Variants in YAP1 observed in about 807,000 individuals in gnomAD.
The protein encoded by YAP1 is Yes1 associated transcriptional regulator.
A neutral mutation model predicts 56.9 loss-of-function variants in YAP1; 5 were observed. The observed-to-expected ratio is 0.09, with a 90% CI of 0.05 to 0.18. YAP1 has a LOEUF of 0.18. Ranked by LOEUF, YAP1 falls within the 10% of genes least tolerant of loss-of-function variation. The pLI is 1.00. For missense variants in YAP1, 539 were observed against 651.8 expected, an observed-to-expected ratio of 0.83 and a Z score of 1.88; for synonymous variants, 265 against 248.1, an observed-to-expected ratio of 1.07 and a Z score of -0.64.
At chr11:102,201,000 C>T (rs1043148301) in intron 4 of YAP1, among the ~76,000 whole-genome samples, 20 of 152,162 alleles carry the variant, frequency 1.3e-4, no homozygotes, top group African/African-American at 3.9e-4. Flanking sequence ...TGGGGTGGGG[C>T]GGTGGTGTAA....
chr11:102,223,823 G>A (rs185581636), intron 7 of YAP1, 71 bp downstream of exon 7: 61 of 1,579,262 alleles, frequency 3.9e-5, no homozygotes, highest in Middle Eastern at 1.7e-4. Context: ...CTTAGTGCTT[G>A]TAATAGGCTA....
At chr11:102,180,457 T>G (rs1248478076) in intron 3 of YAP1, among the ~76,000 whole-genome samples, 1 of 148,924 alleles carries the variant, frequency 6.7e-6, no homozygotes, top group Non-Finnish European at 1.5e-5. Flanking sequence ...CCGAGGCAGG[T>G]GGATCACAAG....
chr11:102,215,744 G>A (rs1949628133), intron 6 of YAP1, among the ~76,000 whole-genome samples: 1 of 152,178 alleles, frequency 6.6e-6, no homozygotes, highest in African/African-American at 2.4e-5. Flanking sequence ...CTCCCAAAGT[G>A]TTGGGATTAC....
At chr11:102,187,909 C>T (rs966687877) in intron 4 of YAP1, among the ~76,000 whole-genome samples, 3 of 152,006 alleles carry the variant, frequency 2.0e-5, no homozygotes, top group African/African-American at 4.8e-5. Context: ...CTTTTTGGGC[C>T]CACCGTGTGT....
At chr11:102,211,733 T>C (rs1157238860) in intron 6 of YAP1, among the ~76,000 whole-genome samples, 1 of 152,044 alleles carries the variant, frequency 6.6e-6, no homozygotes, top group Admixed American at 6.6e-5. Flanking sequence ...AGATGGAGTC[T>C]TGCTCTGTCA....
At chr11:102,195,598 A>G (rs987725546) in intron 4 of YAP1, among the ~76,000 whole-genome samples, 1 of 152,142 alleles carries the variant, frequency 6.6e-6, no homozygotes, top group African/African-American at 2.4e-5. Flanking sequence ...GTTCTCAGAT[A>G]GTGAGTGCTC....
chr11:102,147,926 T>A (rs1251077426), intron 2 of YAP1, among the ~76,000 whole-genome samples: 7 of 152,182 alleles, frequency 4.6e-5, no homozygotes, highest in Non-Finnish European at 8.8e-5. Flanking sequence ...ATGATAGTCA[T>A]GTGAAAGGAG....
At chr11:102,178,289 C>T (rs998031517) in intron 3 of YAP1, among the ~76,000 whole-genome samples, 2 of 152,176 alleles carry the variant, frequency 1.3e-5, no homozygotes, top group Non-Finnish European at 2.9e-5. Context: ...TCTAAGGAAA[C>T]TACTTGATAA....
chr11:102,195,295 G>T (rs1335514099), intron 4 of YAP1, among the ~76,000 whole-genome samples: 2 of 152,106 alleles, frequency 1.3e-5, no homozygotes, highest in Non-Finnish European at 2.9e-5. Context: ...TTTTCTTTTA[G>T]CTCCATTCAT....
intron 6 of YAP1, among the ~76,000 whole-genome samples, chr11:102,221,757 A>G (rs1025584307): frequency 6.6e-6 from 1 of 152,058 alleles, no homozygotes; most frequent in African/African-American, 2.4e-5. Flanking sequence ...CTAGAAGCAC[A>G]TCTTATAACG....
chr11:102,143,853 C>T (rs976995233), intron 2 of YAP1, among the ~76,000 whole-genome samples: 1 of 152,224 alleles, frequency 6.6e-6, no homozygotes, highest in South Asian at 2.1e-4. Context: ...TTCAAATTGA[C>T]AGTCATTTGT....
At chr11:102,221,315 G>A (rs984271507) in intron 6 of YAP1, among the ~76,000 whole-genome samples, 1 of 152,114 alleles carries the variant, frequency 6.6e-6, no homozygotes, top group Admixed American at 6.5e-5. Context: ...CAGGACATTG[G>A]TGTTTGTTTT....
intron 2 of YAP1, among the ~76,000 whole-genome samples, chr11:102,120,210 A>C (rs1412146539): frequency 6.6e-6 from 1 of 152,248 alleles, no homozygotes; most frequent in African/African-American, 2.4e-5. Flanking sequence ...CCACCGTGGA[A>C]GCACTTTTAT....
chr11:102,204,396 A>G (rs1437480445), intron 4 of YAP1, among the ~76,000 whole-genome samples: 2 of 152,224 alleles, frequency 1.3e-5, no homozygotes, highest in African/African-American at 4.8e-5. Flanking sequence ...TATTGAGGAC[A>G]CATAGATGAC....
Position 102,215,223 on chromosome 11 carries a change from C to A in YAP1, c.1032+5659C>A, listed in dbSNP as rs114072281. On this transcript the variant is annotated intron_variant, in intron 6 of 8. Coordinates refer to ENST00000282441, the MANE Select transcript of YAP1 (RefSeq NM_001130145.3). ...TAGAATTGTTGACATAAACTGCTAT[C>A]ACTAAGGCAAACTACTTACAAGACA... 1.2e-3 allele frequency among the ~76,000 whole-genome samples: 181 copies of A among 152,276 alleles called. 1 individual carries two copies. The highest frequency in any genetic ancestry group is 4.1e-3 in the African/African-American group (169 of 41,560).
intron 2 of YAP1, among the ~76,000 whole-genome samples, chr11:102,118,496 C>T (rs1448680819): frequency 7.8e-6 from 1 of 128,508 alleles, no homozygotes; most frequent in Non-Finnish European, 1.6e-5. Flanking sequence ...CAGAGTCTTG[C>T]TCTGTTGACC....
chr11:102,200,202 T>C (rs1022037167), intron 4 of YAP1, among the ~76,000 whole-genome samples: 1 of 152,144 alleles, frequency 6.6e-6, no homozygotes, highest in African/African-American at 2.4e-5. Context: ...AATAACAAAA[T>C]GTCAGAATTT....
At chr11:102,137,778 T>A (rs1944768403) in intron 2 of YAP1, among the ~76,000 whole-genome samples, 1 of 151,842 alleles carries the variant, frequency 6.6e-6, no homozygotes, top group African/African-American at 2.4e-5. Flanking sequence ...AGTCATGGAG[T>A]TCCTTTTCTC....
At chr11:102,195,493 A>T (rs1591384434) in intron 4 of YAP1, among the ~76,000 whole-genome samples, 1 of 152,068 alleles carries the variant, frequency 6.6e-6, no homozygotes, top group African/African-American at 2.4e-5. Flanking sequence ...TCCCCACCCA[A>T]ATCTCATCTT....
Sources: allele counts gnomAD v4.1 joint callset (sites outside exome capture counted in the v4.1 genomes callset), GRCh38; gene constraint gnomAD v4.1.1; transcripts MANE v1.5; gene names NCBI Gene and HGNC (gene_info 2026-07-23, HGNC 2026-07-21).